The following PCGF6 variants were observed in gnomAD, a reference collection of about 807,000 sequenced individuals.
PCGF6 encodes polycomb group RING finger protein 6.
Under a neutral mutation model 45.5 loss-of-function variants are expected in PCGF6, and 24 were observed. That is an observed-to-expected ratio of 0.53 (90% confidence interval 0.38 to 0.74). The LOEUF (loss-of-function observed/expected upper bound fraction) is 0.74, where lower values mean the gene tolerates loss of function less well. Ranked by LOEUF, PCGF6 falls within the 30% of genes least tolerant of loss-of-function variation. PCGF6 has a pLI of 0.00. For synonymous variants in PCGF6, 152 were observed against 162.1 expected (o/e 0.94, Z 0.47); for missense variants, 356 against 443.2 (o/e 0.80, Z 1.77).
At chr10:103,330,862 G>T (rs2093237571) in intron 7 of PCGF6, among the ~76,000 whole-genome samples, 1 of 152,216 alleles carries the variant, frequency 6.6e-6, no homozygotes, top group Non-Finnish European at 1.5e-5. Flanking sequence ...CTGGGAGGCA[G>T]AGGTTGCAGT....
intron 9 of PCGF6, among the ~76,000 whole-genome samples, chr10:103,310,276 A>G (rs1414691719): frequency 2.7e-5 from 4 of 150,818 alleles, no homozygotes; most frequent in Non-Finnish European, 5.9e-5. Flanking sequence ...AAAAAAAAAA[A>G]GAAAGAAAGA....
At chr10:103,324,916 C>G (rs1359698741) in intron 8 of PCGF6, among the ~76,000 whole-genome samples, 1 of 151,572 alleles carries the variant, frequency 6.6e-6, no homozygotes, top group African/African-American at 2.4e-5. Context: ...AGGCGGATCA[C>G]CTGAGGTCAG....
At chr10:103,312,391 CAAA>C (rs370391569) in intron 9 of PCGF6, 3 of 101,702 alleles carry the variant, frequency 2.9e-5, no homozygotes, top group Non-Finnish European at 2.1e-5. Context: ...GACTCCGTCT[CAAA>C]AAAAAAAAAA....
chr10:103,338,063 CAAA>C (rs35839501), intron 6 of PCGF6, among the ~76,000 whole-genome samples: 4 of 26,826 alleles, frequency 1.5e-4, no homozygotes, highest in African/African-American at 1.4e-4. Context: ...GACTCCGTCT[CAAA>C]AAAAAAAAAA....
chr10:103,310,273 A>G (rs1312099191), intron 9 of PCGF6, among the ~76,000 whole-genome samples: 1 of 151,764 alleles, frequency 6.6e-6, no homozygotes, highest in Non-Finnish European at 1.5e-5. Flanking sequence ...TAAAAAAAAA[A>G]AAAGAAAGAA....
At chr10:103,315,764 C>T (rs1201765493) in intron 8 of PCGF6, among the ~76,000 whole-genome samples, 1 of 152,112 alleles carries the variant, frequency 6.6e-6, no homozygotes, top group Non-Finnish European at 1.5e-5. Flanking sequence ...GCCTTGGCCT[C>T]CCAAAACACA....
chr10:103,347,463 A>C lies in PCGF6; in HGVS notation c.558-13T>G. ...CTGTCGGTCCAACCTAATAAAAGGA[A>C]AGGATGGAGAATACCTCAGAATTCA... On this transcript the variant is annotated splice_polypyrimidine_tract_variant and intron_variant, in intron 3 of 9. Transcript: ENST00000369847. 6.3e-7 allele frequency: 1 copy of C among 1,589,688 alleles called. No homozygotes were observed. The highest frequency in any genetic ancestry group is 2.2e-5 in the East Asian group (1 of 44,672).
intron 8 of PCGF6, among the ~76,000 whole-genome samples, chr10:103,318,451 AAAAAG>A (rs2093184236): frequency 2.0e-5 from 3 of 151,254 alleles, no homozygotes; most frequent in African/African-American, 7.3e-5. Context: ...TCAAAAAAAA[AAAAAG>A]AAAAAAGTGC....
intron 6 of PCGF6, among the ~76,000 whole-genome samples, chr10:103,343,966 C>T (rs2093290551): frequency 6.6e-6 from 1 of 151,260 alleles, no homozygotes; most frequent in African/African-American, 2.4e-5. Context: ...ACAGGAGATA[C>T]ATATGAATTT....
chr10:103,322,525 C>T (rs577020829), intron 8 of PCGF6, among the ~76,000 whole-genome samples: 2 of 150,722 alleles, frequency 1.3e-5, no homozygotes, highest in African/African-American at 4.9e-5. Context: ...TTGTTTCTGT[C>T]AATTAAAAAA....
At chr10:103,346,505 C>A (rs1174774683) in intron 5 of PCGF6, among the ~76,000 whole-genome samples, 1 of 151,084 alleles carries the variant, frequency 6.6e-6, no homozygotes, top group Admixed American at 6.6e-5. Flanking sequence ...GCGCCTGTAG[C>A]CCCAGCTACT....
At chr10:103,316,057 C>T (rs957459988) in intron 8 of PCGF6, among the ~76,000 whole-genome samples, 1 of 150,036 alleles carries the variant, frequency 6.7e-6, no homozygotes, top group East Asian at 1.9e-4. Context: ...TCTCACTTAA[C>T]TGGCTCCATC....
chr10:103,329,410 G>C (rs2093231673), intron 7 of PCGF6, among the ~76,000 whole-genome samples: 1 of 152,000 alleles, frequency 6.6e-6, no homozygotes, highest in African/African-American at 2.4e-5. Context: ...AGAGAAAACT[G>C]AAACAAAGAT....
At chr10:103,312,772 A>G (rs1017466127) in intron 9 of PCGF6, among the ~76,000 whole-genome samples, 1 of 151,700 alleles carries the variant, frequency 6.6e-6, no homozygotes, top group Non-Finnish European at 1.5e-5. Flanking sequence ...GACCAGCCTG[A>G]CCAACACAGA....
chr10:103,350,152 T>C (rs556980456), intron 1 of PCGF6, among the ~76,000 whole-genome samples: 90 of 151,248 alleles, frequency 6.0e-4, no homozygotes, highest in Non-Finnish European at 9.4e-4. Context: ...TCAATAATTA[T>C]ACAGGACAGG....
chr10:103,346,754 C>A (rs1176532658), intron 5 of PCGF6, among the ~76,000 whole-genome samples: 1 of 152,182 alleles, frequency 6.6e-6, no homozygotes, highest in East Asian at 1.9e-4. Context: ...GAGATCACAG[C>A]ATTGCACTCC....
At chr10:103,343,211 AGC>A (rs2093287305) in intron 6 of PCGF6, among the ~76,000 whole-genome samples, 1 of 152,004 alleles carries the variant, frequency 6.6e-6, no homozygotes, top group African/African-American at 2.4e-5. Context: ...TATAGGCGTG[AGC>A]CACCGCGCCC....
chr10:103,345,047 C>T lies in PCGF6; in HGVS notation c.759G>A (p.Met253Ile). The T allele has an allele frequency of 6.2e-7, 1 of 1,608,046 alleles. No homozygotes were observed. ...ACCCAATGAACTCCAGTAATAAAGA[C>T]ATATCAAGTTCAGGTGGAATACGAA... The part of the protein sequence containing the change: ...SVFRIPPELD[M>I]SLLLEFIGAN... The change falls in exon 6 of 10, where the codon ATG (methionine) becomes ATA (isoleucine). Residue 253 changes from methionine to isoleucine, a missense_variant. By Grantham distance (10) the Met-to-Ile change is conservative. This residue lies in a region of PCGF6 where 307 missense variants were observed against 350.1 expected (regional missense o/e 0.88). Transcript: ENST00000369847.
At chr10:103,309,504 T>C (rs2093149171) in intron 9 of PCGF6, among the ~76,000 whole-genome samples, 1 of 152,230 alleles carries the variant, frequency 6.6e-6, no homozygotes, top group South Asian at 2.1e-4. Context: ...CTATGATTCC[T>C]GTACAGCCTG....
Sources: allele counts gnomAD v4.1 joint callset (sites outside exome capture counted in the v4.1 genomes callset), GRCh38; gene constraint gnomAD v4.1.1; regional missense constraint gnomAD v4.1.1; transcripts MANE v1.5; gene names NCBI Gene and HGNC (gene_info 2026-07-23, HGNC 2026-07-21).